ARHGAP28: variants seen among roughly 807,000 people sequenced by gnomAD.
ARHGAP28 encodes Rho GTPase activating protein 28, also known as rho GTPase-activating protein 28.
Under a neutral mutation model 90.7 loss-of-function variants are expected in ARHGAP28, and 56 were observed. The observed-to-expected ratio is 0.62, with a 90% CI of 0.50 to 0.77. ARHGAP28 has a LOEUF of 0.77. Ranked by LOEUF, ARHGAP28 falls within the 30% of genes least tolerant of loss-of-function variation. ARHGAP28 has a pLI of 0.00. For synonymous variants in ARHGAP28, 308 were observed against 323.3 expected, an observed-to-expected ratio of 0.95 and a Z score of 0.51; for missense variants, 869 against 900.9, an observed-to-expected ratio of 0.96 and a Z score of 0.45.
In ARHGAP28 at chr18:6,882,247, C is replaced by T; in HGVS notation, c.1401C>T (p.Pro467=). The stretch of plus-strand genomic sequence containing the variant: ...TGAAAGCGTTTTTCAGAGAACTACC[C>T]ACCTCTCTCTTCCCTGTGGAATATA... ...VMLKAFFREL[P]TSLFPVEYIP... is the part of the protein sequence containing the mutation. The change falls in exon 11 of 18, where the codon CCC becomes CCT. Residue 467 remains proline, a synonymous_variant. Coordinates refer to ENST00000383472, the MANE Select transcript of ARHGAP28 (RefSeq NM_001366230.1). 2.5e-6 allele frequency: 4 copies of T among 1,614,036 alleles called. No homozygotes were observed. The highest frequency in any genetic ancestry group is 2.5e-6 in the Non-Finnish European group (3 of 1,179,962).
intron 7 of ARHGAP28, among the ~76,000 whole-genome samples, chr18:6,872,722 T>C (rs1419847034): frequency 1.3e-5 from 2 of 152,232 alleles, no homozygotes; most frequent in Admixed American, 6.5e-5. Context: ...GATTTGCTGC[T>C]GTTGTTGTTT....
At chr18:6,844,597 CATAA>C (rs1346192446) in intron 3 of ARHGAP28, among the ~76,000 whole-genome samples, 10 of 152,084 alleles carry the variant, frequency 6.6e-5, no homozygotes, top group Non-Finnish European at 1.3e-4. Flanking sequence ...ATTTCGGAAA[CATAA>C]ATAAAATGCA....
chr18:6,898,161 C>T (rs1035365278), intron 16 of ARHGAP28: 2 of 256,310 alleles, frequency 7.8e-6, no homozygotes, highest in African/African-American at 4.5e-5. Context: ...GGTAGTGTTT[C>T]TACCATCAGG....
Position 6,841,206 on chromosome 18 carries a change from CTCCT to C in ARHGAP28, c.543+3793_543+3796del, listed in dbSNP as rs2056821503. ...CTCTCTCTCTCTCTCTCTCTCTCCT[CTCCT>C]CTCTCTCTCTCTCCCCCCAACCCGC... On this transcript the variant is annotated intron_variant, in intron 3 of 17. Transcript: ENST00000383472. 5.9e-4 allele frequency among the ~76,000 whole-genome samples: 25 copies of C among 42,624 alleles called. No homozygotes were observed. In the East Asian group the frequency reaches 8.3e-3, roughly 14 times the overall value. 28.0% of individuals were successfully genotyped at this position (42,624 alleles called of 152,430 possible). A position where few individuals can be genotyped will look rare whatever the true frequency, so the allele number is the denominator to read the frequency against.
At chr18:6,843,804 A>G (rs546481774) in intron 3 of ARHGAP28, among the ~76,000 whole-genome samples, 32 of 152,342 alleles carry the variant, frequency 2.1e-4, no homozygotes, top group Non-Finnish European at 4.0e-4. Flanking sequence ...CAAGGTGAAG[A>G]ATGACAATTT....
intron 3 of ARHGAP28, among the ~76,000 whole-genome samples, chr18:6,838,258 C>G (rs989621690): frequency 2.6e-5 from 4 of 152,156 alleles, no homozygotes; most frequent in African/African-American, 7.2e-5. Flanking sequence ...AGATAAGTTA[C>G]CTGGGCAAGC....
chr18:6,832,903 A>G (rs1411197145), intron 2 of ARHGAP28, among the ~76,000 whole-genome samples: 1 of 152,032 alleles, frequency 6.6e-6, no homozygotes, highest in African/African-American at 2.4e-5. Flanking sequence ...ATAACTTATC[A>G]TAGTCTACTT....
chr18:6,793,456 C>T (rs968555348), intron 1 of ARHGAP28, among the ~76,000 whole-genome samples: 4 of 152,014 alleles, frequency 2.6e-5, no homozygotes, highest in South Asian at 2.1e-4. Flanking sequence ...AGGGAATGGA[C>T]GGCTTTGAGG....
chr18:6,915,423 G>A lies in ARHGAP28; in HGVS notation c.*3269G>A, dbSNP rs1344890940. ...TTTCTCTGACAGGCAGTTTTTAACT[G>A]TTTTCCACAAATAAAAATAATATGT... is the stretch of plus-strand genomic sequence containing the variant. On this transcript the variant is annotated 3_prime_UTR_variant, in exon 18 of 18. Transcript: ENST00000383472. 6.6e-6 allele frequency: 1 copy of A among 152,114 alleles called. No individual in the cohort carries two copies. Among genetic ancestry groups the A allele is most frequent in the Non-Finnish European group, 1.5e-5 (1 of 68,006 alleles). 9.4% of individuals were successfully genotyped at this position (152,114 alleles called of 1,614,324 possible).
Position 6,890,425 on chromosome 18 carries a change from TCCAGG to T in ARHGAP28, c.1735-4_1735del. On this transcript the variant is annotated splice_acceptor_variant and splice_polypyrimidine_tract_variant and coding_sequence_variant and intron_variant, in exon 14 of 18. Coordinates refer to ENST00000383472, the MANE Select transcript of ARHGAP28 (RefSeq NM_001366230.1). LOFTEE classifies it high-confidence loss of function. ...CATCCAGTCCAAGCTATTTTTCTTC[TCCAGG>T]TTCCATCTTTCTTAATCACTCAAGT... 6.3e-7 allele frequency: 1 copy of T among 1,586,138 alleles called. No individual in the cohort carries two copies. Among genetic ancestry groups the T allele is most frequent in the Admixed American group, 1.7e-5 (1 of 58,350 alleles).
chr18:6,869,861 G>A (rs189426454), intron 6 of ARHGAP28, among the ~76,000 whole-genome samples: 32 of 152,276 alleles, frequency 2.1e-4, no homozygotes, highest in Middle Eastern at 6.8e-3. Context: ...GCTGAAATCT[G>A]AATCCGAAAT....
intron 1 of ARHGAP28, among the ~76,000 whole-genome samples, chr18:6,738,194 G>A (rs962767177): frequency 2.0e-5 from 3 of 152,106 alleles, no homozygotes; most frequent in Non-Finnish European, 4.4e-5. Flanking sequence ...TGCTATTTTA[G>A]CAATTATAAG....
intron 1 of ARHGAP28, among the ~76,000 whole-genome samples, chr18:6,748,440 G>A (rs1443786082): frequency 2.0e-5 from 3 of 152,128 alleles, no homozygotes; most frequent in African/African-American, 4.8e-5. Context: ...GGCCTGGCTC[G>A]AGTGACTGCT....
chr18:6,844,929 A>T (rs1042442992), intron 3 of ARHGAP28, among the ~76,000 whole-genome samples: 2 of 152,222 alleles, frequency 1.3e-5, no homozygotes, highest in Non-Finnish European at 2.9e-5. Context: ...CACCCACGGC[A>T]ATAGCTGCAG....
intron 1 of ARHGAP28, among the ~76,000 whole-genome samples, chr18:6,749,999 C>G (rs970814237): frequency 5.3e-5 from 8 of 152,064 alleles, no homozygotes; most frequent in African/African-American, 1.9e-4. Context: ...ACTCAGTTTT[C>G]TTTTCTGGTT....
At chr18:6,769,595 G>A (rs1211971756) in intron 1 of ARHGAP28, among the ~76,000 whole-genome samples, 1 of 152,190 alleles carries the variant, frequency 6.6e-6, no homozygotes, top group Non-Finnish European at 1.5e-5. Flanking sequence ...CGAGGAAAGC[G>A]AGACTTGGAA....
At chr18:6,742,513 G>T (rs1462685461) in intron 1 of ARHGAP28, among the ~76,000 whole-genome samples, 2 of 152,106 alleles carry the variant, frequency 1.3e-5, no homozygotes, top group African/African-American at 4.8e-5. Flanking sequence ...TTGAATTTGG[G>T]AATTGTGGTG....
intron 1 of ARHGAP28, among the ~76,000 whole-genome samples, chr18:6,733,321 C>T (rs1201744678): frequency 6.6e-6 from 1 of 152,104 alleles, no homozygotes; most frequent in East Asian, 1.9e-4. Context: ...TCTGTTTTTG[C>T]TCTTTAAATT....
chr18:6,909,301 T>TTTTCTTCTTTTCTTTTCTTTTCTTTTC (rs56989288), intron 17 of ARHGAP28, among the ~76,000 whole-genome samples: 2 of 31,762 alleles, frequency 6.3e-5, no homozygotes, highest in African/African-American at 1.6e-4. Context: ...TTTTCTTTTC[T>TTTTCTTCTTTTCTTTTCTTTTCTTTTC]TTTTTTTTTG....
Sources: gnomAD v4.1 joint callset for allele counts (sites outside exome capture counted in the v4.1 genomes callset) on GRCh38, gnomAD v4.1.1 for gene constraint, MANE v1.5 for transcripts, NCBI Gene and HGNC (gene_info 2026-07-23, HGNC 2026-07-21) for gene names.